Variants in TMEM178B observed in about 807,000 individuals in gnomAD.
TMEM178B encodes the protein transmembrane protein 178B.
TMEM178B carries 5 observed loss-of-function variants against 31.0 expected under a neutral mutation model. That is an observed-to-expected ratio of 0.16 (90% CI 0.08 to 0.34). The LOEUF (loss-of-function observed/expected upper bound fraction) is 0.34, where lower values mean the gene tolerates loss of function less well. TMEM178B is among the 10% of genes least tolerant of loss of function. The pLI, the probability that TMEM178B is intolerant of heterozygous loss-of-function variation, is 1.00. For missense variants in TMEM178B, 275 were observed against 400.3 expected, an observed-to-expected ratio of 0.69 and a Z score of 2.67; for synonymous variants, 164 against 164.0, an observed-to-expected ratio of 1.00 and a Z score of 0.00.
In TMEM178B at chr7:141,470,604, C is replaced by T. The variant is rs1802220462; in HGVS notation, c.703C>T (p.Arg235Cys). 6.5e-7 allele frequency: 1 copy of T among 1,535,340 alleles called. No individual in the cohort carries two copies. Among genetic ancestry groups the T allele is most frequent in the South Asian group, 1.2e-5 (1 of 83,920 alleles). Residue 235 changes from arginine (R) to cysteine (C), a missense_variant, in exon 4 of 4, where the codon CGC becomes TGC. Transcript: ENST00000565468. Reference protein sequence around the residue: ...GINFELSRYPRYLYGLPDDIS... With the variant: ...GINFELSRYPCYLYGLPDDIS... ...CAACTTTGAGCTGTCACGCTACCCA[C>T]GCTACCTGTACGGACTCCCTGATGA...
intron 2 of TMEM178B, among the ~76,000 whole-genome samples, chr7:141,382,935 C>T (rs1285718715): frequency 1.3e-5 from 2 of 152,156 alleles, no homozygotes; most frequent in Non-Finnish European, 2.9e-5. Flanking sequence ...ACTTCCTTGC[C>T]TTCCTTTCAG....
intron 2 of TMEM178B, among the ~76,000 whole-genome samples, chr7:141,323,272 C>T (rs955547231): frequency 6.6e-6 from 1 of 152,182 alleles, no homozygotes; most frequent in African/African-American, 2.4e-5. Flanking sequence ...CCAAGATTGG[C>T]TGATTTGCCT....
intron 1 of TMEM178B, among the ~76,000 whole-genome samples, chr7:141,134,094 A>T (rs1795636570): frequency 6.6e-6 from 1 of 151,954 alleles, no homozygotes; most frequent in Admixed American, 6.6e-5. Context: ...CATTAGGTGG[A>T]CATGGTGGTG....
At chr7:141,392,828 G>T (rs1471241551) in intron 2 of TMEM178B, among the ~76,000 whole-genome samples, 1 of 151,464 alleles carries the variant, frequency 6.6e-6, no homozygotes, top group African/African-American at 2.4e-5. Context: ...CTAACTCTTG[G>T]TGGGTGGATT....
At chr7:141,243,262 G>T (rs1318382198) in intron 2 of TMEM178B, among the ~76,000 whole-genome samples, 4 of 152,036 alleles carry the variant, frequency 2.6e-5, no homozygotes, top group African/African-American at 9.7e-5. Context: ...TGCAGAGAGG[G>T]CCTCTGGGAT....
At chr7:141,110,719 A>G (rs147822326) in intron 1 of TMEM178B, among the ~76,000 whole-genome samples, 159 of 152,342 alleles carry the variant, frequency 1.0e-3, no homozygotes, top group African/African-American at 3.6e-3. Flanking sequence ...GACTGAATGT[A>G]TGTGTCCCCC....
rs1198991152 is a variant in TMEM178B, at chr7:141,422,853, C to T, written c.497-14755C>T. Reference sequence around the variant, plus strand: ...TCTCTTGTTATATGTAAACTGAAGGCGGCGAGAGCACTATGAGTTGCAGAA... The same window carrying T: ...TCTCTTGTTATATGTAAACTGAAGGTGGCGAGAGCACTATGAGTTGCAGAA... On this transcript the variant is annotated intron_variant, in intron 2 of 3. Transcript: ENST00000565468. This position sits in a 1 kb window ranked among gnomAD's most constrained non-coding sequence, Gnocchi z 4.2. 6.6e-6 allele frequency among the ~76,000 whole-genome samples: 1 copy of T among 152,038 alleles called. No homozygotes were observed. Among genetic ancestry groups the T allele is most frequent in the East Asian group, 1.9e-4 (1 of 5,180 alleles).
chr7:141,453,866 AT>A lies in TMEM178B; in HGVS notation c.634+16122del, dbSNP rs566611274. Among the ~76,000 whole-genome samples, 838 of 152,038 alleles carry A rather than the reference AT, an allele frequency of 5.5e-3. 1 individual carries two copies. The highest frequency in any genetic ancestry group is 8.9e-3 in the Non-Finnish European group (605 of 67,998). On this transcript the variant is annotated intron_variant, in intron 3 of 3. Transcript: ENST00000565468. ...GTCATTAATAGATTTCCATTTTTAT[AT>A]ATCCCTATGTAACTAAACTCTGTTG...
intron 1 of TMEM178B, among the ~76,000 whole-genome samples, chr7:141,203,097 G>A (rs1164040954): frequency 6.6e-6 from 1 of 152,120 alleles, no homozygotes; most frequent in Non-Finnish European, 1.5e-5. Flanking sequence ...CTGATAAATG[G>A]CCTTCTTAAT....
intron 2 of TMEM178B, among the ~76,000 whole-genome samples, chr7:141,426,414 A>C (rs910869830): frequency 8.5e-5 from 13 of 152,348 alleles, no homozygotes; most frequent in Admixed American, 5.2e-4. Context: ...ATATCAACCA[A>C]CTGCTCCAGG....
intron 2 of TMEM178B, among the ~76,000 whole-genome samples, chr7:141,353,799 TG>T (rs1355086901): frequency 2.6e-5 from 4 of 152,208 alleles, no homozygotes; most frequent in Non-Finnish European, 5.9e-5. Context: ...TAAATATTAA[TG>T]GAATGAATTA....
chr7:141,401,105 C>A (rs567951127), intron 2 of TMEM178B, among the ~76,000 whole-genome samples: 2 of 152,142 alleles, frequency 1.3e-5, no homozygotes, highest in African/African-American at 4.8e-5. Flanking sequence ...GGAGCCTCTT[C>A]TTCATCCTCA....
At chr7:141,337,298 TCACCAC>T (rs1170005211) in intron 2 of TMEM178B, among the ~76,000 whole-genome samples, 1 of 113,592 alleles carries the variant, frequency 8.8e-6, no homozygotes, top group Non-Finnish European at 1.8e-5. Flanking sequence ...ACCATCCCCA[TCACCAC>T]CACCACCACC....
intron 2 of TMEM178B, among the ~76,000 whole-genome samples, chr7:141,263,388 A>C (rs1388608875): frequency 6.6e-6 from 1 of 152,168 alleles, no homozygotes; most frequent in Non-Finnish European, 1.5e-5. Flanking sequence ...TCCCAGGTAC[A>C]GTCTTCCACT....
chr7:141,391,428 G>C lies in TMEM178B; in HGVS notation c.497-46180G>C, dbSNP rs111692325. Among the ~76,000 whole-genome samples, 789 of 152,264 alleles carry C rather than the reference G, an allele frequency of 5.2e-3. 7 individuals are homozygous for C. The highest frequency in any genetic ancestry group is 0.017 in the African/African-American group (695 of 41,536). On this transcript the variant is annotated intron_variant, in intron 2 of 3. Coordinates refer to ENST00000565468, the MANE Select transcript of TMEM178B (RefSeq NM_001195278.2). ...ACCCGCCTCGGCATCCCAAAGTGCT[G>C]GGATTACAGGCGTGAGCCACCACAT...
At chr7:141,370,780 C>T (rs759618139) in intron 2 of TMEM178B, among the ~76,000 whole-genome samples, 33 of 152,224 alleles carry the variant, frequency 2.2e-4, no homozygotes, top group Non-Finnish European at 4.4e-4. Context: ...CAGCGTTCCT[C>T]TTTGCACATG....
At chr7:141,481,151 C>T (rs565642276), downstream of TMEM178B, among the ~76,000 whole-genome samples, 12 of 152,326 alleles carry the variant, frequency 7.9e-5, no homozygotes, top group South Asian at 2.3e-3. Flanking sequence ...GGCCGTATGG[C>T]GCTGCTTCTG....
chr7:141,388,253 G>A (rs1318237377), intron 2 of TMEM178B, among the ~76,000 whole-genome samples: 1 of 152,128 alleles, frequency 6.6e-6, no homozygotes, highest in Non-Finnish European at 1.5e-5. Flanking sequence ...TAGGGTCTCC[G>A]TAAGAACTCG....
chr7:141,243,592 C>T (rs903509270), intron 2 of TMEM178B, among the ~76,000 whole-genome samples: 4 of 152,028 alleles, frequency 2.6e-5, no homozygotes, highest in Non-Finnish European at 5.9e-5. Flanking sequence ...TGACCGTTAC[C>T]AGGTCACTCT....
Sources: gnomAD v4.1 joint callset for allele counts (sites outside exome capture counted in the v4.1 genomes callset) on GRCh38, gnomAD v4.1.1 for gene constraint, Gnocchi (gnomAD v3.1) non-coding constraint, MANE v1.5 for transcripts, NCBI Gene and HGNC (gene_info 2026-07-23, HGNC 2026-07-21) for gene names.